The following FBN1 variants were observed in gnomAD, a reference collection of about 807,000 sequenced individuals.
The protein encoded by FBN1 is fibrillin-1.
Under a neutral mutation model 365.1 loss-of-function variants are expected in FBN1, and 29 were observed. The observed-to-expected ratio is 0.08, with a 90% CI of 0.06 to 0.11. The LOEUF (loss-of-function observed/expected upper bound fraction) is 0.11. Ranked by LOEUF, FBN1 falls within the 10% of genes least tolerant of loss-of-function variation. The pLI is 1.00. For synonymous variants in FBN1, 1,210 were observed against 1,270.5 expected (o/e 0.95, Z 1.01); for missense variants, 2,476 against 3,703.2 (o/e 0.67, Z 8.60).
chr15:48,469,687 G>A (rs1013017214), intron 36 of FBN1, among the ~76,000 whole-genome samples: 2 of 152,146 alleles, frequency 1.3e-5, no homozygotes. Flanking sequence ...GAATTTGGAC[G>A]GACAGGGCCA....
At chr15:48,439,156 C>G (rs1254817044) in intron 50 of FBN1, among the ~76,000 whole-genome samples, 1 of 152,170 alleles carries the variant, frequency 6.6e-6, no homozygotes, top group African/African-American at 2.4e-5. Flanking sequence ...GAAAGGTTTT[C>G]ATGAATTAAA....
In FBN1 at chr15:48,504,885, A is replaced by G. The variant is rs989977650; in HGVS notation, c.1960+140T>C. The stretch of plus-strand genomic sequence containing the variant: ...TAATGTTCAATTTACACAAAAAGAG[A>G]ACTGACCCTGTTGGTTTGTTGCTCT... On this transcript the variant is annotated intron_variant, in intron 16 of 65. Transcript: ENST00000316623. The G allele has an allele frequency of 4.5e-6, 5 of 1,110,852 alleles. No individual in the cohort carries two copies. The African/African-American group carries it at 6.2e-5, about 14-fold the overall frequency. 68.8% of individuals were successfully genotyped at this position (1,110,852 alleles called of 1,614,324 possible). A position where few individuals can be genotyped will look rare whatever the true frequency, so the allele number is the denominator to read the frequency against.
intron 6 of FBN1, among the ~76,000 whole-genome samples, chr15:48,564,421 G>C (rs1026421009): frequency 2.6e-5 from 4 of 152,050 alleles, no homozygotes; most frequent in African/African-American, 9.7e-5. Flanking sequence ...TTTGTTGTGG[G>C]GTCACAGAAA....
chr15:48,462,531 G>T (rs2043287160), intron 42 of FBN1, among the ~76,000 whole-genome samples: 1 of 149,540 alleles, frequency 6.7e-6, no homozygotes, highest in African/African-American at 2.5e-5. Flanking sequence ...CTGCTAGAAA[G>T]TTTGGGGCTA....
rs377098012 is a variant in FBN1, at chr15:48,413,456, G to T, written c.8052-713C>A. On this transcript the variant is annotated intron_variant, in intron 64 of 65. Transcript: ENST00000316623. ...GATGGATAAACAAACCCATGCCCAA[G>T]AGAGAACTCGTTCAGCTGTTTTTCT... Among the ~76,000 whole-genome samples, 8 of 152,346 alleles carry T rather than the reference G, an allele frequency of 5.3e-5. No individual in the cohort carries two copies. The East Asian group carries it at 1.5e-3, about 29-fold the overall frequency.
intron 62 of FBN1, 110 bp downstream of exon 62, chr15:48,421,447 CT>C (rs2042940487): frequency 2.2e-6 from 3 of 1,362,326 alleles, no homozygotes; most frequent in Admixed American, 3.9e-5. Context: ...GAGTGCCCCC[CT>C]GGGCTCAGAT....
chr15:48,479,956 G>A (rs1172046309), intron 32 of FBN1, among the ~76,000 whole-genome samples: 1 of 152,196 alleles, frequency 6.6e-6, no homozygotes, highest in Non-Finnish European at 1.5e-5. Flanking sequence ...TCTAGACACT[G>A]TGTCTATGTT....
chr15:48,602,252 G>A (rs979973351), intron 4 of FBN1, among the ~76,000 whole-genome samples: 4 of 152,048 alleles, frequency 2.6e-5, no homozygotes, highest in Non-Finnish European at 4.4e-5. Context: ...AACCAAATGT[G>A]AGCCCTCTCT....
chr15:48,439,521 T>A (rs10152292), intron 50 of FBN1, among the ~76,000 whole-genome samples: 38 of 152,336 alleles, frequency 2.5e-4, no homozygotes, highest in African/African-American at 8.9e-4. Flanking sequence ...TATTTATCAG[T>A]CTTGTTTTTG....
At chr15:48,640,917 C>G (rs749621724) in intron 2 of FBN1, 9 of 151,126 alleles carry the variant, frequency 6.0e-5, no homozygotes, top group Non-Finnish European at 1.0e-4. Flanking sequence ...TGGACTGTCT[C>G]CCACACTTTT....
chr15:48,498,882 G>T, intron 18 of FBN1, 103 bp downstream of exon 18: 3 of 1,107,846 alleles, frequency 2.7e-6, no homozygotes, highest in African/African-American at 1.5e-5. Context: ...CAGAGAGGGA[G>T]TCAGGCCAGA....
intron 2 of FBN1, among the ~76,000 whole-genome samples, chr15:48,640,322 T>TA (rs967786868): frequency 3.8e-4 from 57 of 151,834 alleles, no homozygotes; most frequent in Non-Finnish European, 6.5e-4. Flanking sequence ...TATCCTTTTT[T>TA]AAAAAAAAAT....
intron 10 of FBN1, among the ~76,000 whole-genome samples, chr15:48,517,674 C>T (rs1453618320): frequency 6.6e-6 from 1 of 152,162 alleles, no homozygotes; most frequent in Non-Finnish European, 1.5e-5. Context: ...ATGTTGCCTA[C>T]AAATAGCCAT....
chr15:48,520,532 C>T, intron 10 of FBN1, 127 bp downstream of exon 10: 1 of 1,100,622 alleles, frequency 9.1e-7, no homozygotes, highest in Non-Finnish European at 1.3e-6. Flanking sequence ...CCCTGGACGT[C>T]ATCTCTTATA....
intron 32 of FBN1, among the ~76,000 whole-genome samples, chr15:48,477,748 C>T (rs2043432518): frequency 6.6e-6 from 1 of 152,216 alleles, no homozygotes; most frequent in Non-Finnish European, 1.5e-5. Flanking sequence ...CACAAGTTCG[C>T]TGCAAACAGA....
chr15:48,644,888 C>G lies in FBN1; in HGVS notation c.-119G>C. ...GGGTCCCGCTATCCCGCCGCCCGTC[C>G]CCCGGGCCGGGCTCCTCCCGCCTTC... is the stretch of plus-strand genomic sequence containing the variant. On this transcript the variant is annotated 5_prime_UTR_variant, in exon 2 of 66. Transcript: ENST00000316623. The G allele has an allele frequency of 9.4e-7, 1 of 1,059,326 alleles. No homozygotes were observed. The highest frequency in any genetic ancestry group is 1.2e-6 in the Non-Finnish European group (1 of 828,750). The allele number at this position is 1,059,326 out of a possible 1,614,324, so 65.6% of individuals were successfully genotyped here.
intron 6 of FBN1, among the ~76,000 whole-genome samples, chr15:48,594,904 G>A (rs1279916175): frequency 1.3e-5 from 2 of 152,128 alleles, no homozygotes; most frequent in African/African-American, 4.8e-5. Flanking sequence ...TAAGTAATAA[G>A]GCCACAGAAT....
chr15:48,425,462 G>C lies in FBN1; in HGVS notation c.7360C>G (p.Pro2454Ala). The change falls in exon 60 of 66, where the codon CCC (proline) becomes GCC (alanine). Residue 2454 changes from proline (P) to alanine (A), a missense_variant. Coordinates refer to ENST00000316623, the MANE Select transcript of FBN1 (RefSeq NM_000138.5). ...GTGTTTTTGCAGATAAAATTGCAGG[G>C]TTTGGGAGCCTGGTTGCACTCGTTC... ...DLNECNQAPK[P>A]CNFICKNTEG... 4 of 1,614,124 alleles carry C rather than the reference G, an allele frequency of 2.5e-6. No individual in the cohort carries two copies. Among genetic ancestry groups the C allele is most frequent in the Non-Finnish European group, 3.4e-6 (4 of 1,180,004 alleles).
chr15:48,419,234 A>C (rs2042922539), intron 63 of FBN1, among the ~76,000 whole-genome samples: 1 of 152,182 alleles, frequency 6.6e-6, no homozygotes, highest in African/African-American at 2.4e-5. Context: ...GTGTCCAGCC[A>C]GGAGATGATC....
Sources: allele counts gnomAD v4.1 joint callset (sites outside exome capture counted in the v4.1 genomes callset), GRCh38; gene constraint gnomAD v4.1.1; transcripts MANE v1.5; gene names NCBI Gene and HGNC (gene_info 2026-07-23, HGNC 2026-07-21).